The following RALYL variants were observed in gnomAD, a reference collection of about 807,000 sequenced individuals.
RALYL encodes the protein RNA-binding Raly-like protein.
A neutral mutation model predicts 35.1 loss-of-function variants in RALYL; 29 were observed. That is an observed-to-expected ratio of 0.83 (90% confidence interval 0.61 to 1.13). The LOEUF is 1.13. Ranked by LOEUF, RALYL falls within the 50% of genes most tolerant of loss-of-function variation. The pLI is 0.00. For missense variants in RALYL, 359 were observed against 360.4 expected (o/e 1.00, Z 0.03); for synonymous variants, 120 against 127.6 (o/e 0.94, Z 0.40).
intron 1 of RALYL, among the ~76,000 whole-genome samples, chr8:84,379,447 A>C (rs1304098125): frequency 6.6e-6 from 1 of 151,906 alleles, no homozygotes; most frequent in Non-Finnish European, 1.5e-5. Flanking sequence ...AGTACTTTCT[A>C]GCATTCATAT....
intron 1 of RALYL, among the ~76,000 whole-genome samples, chr8:84,497,546 A>G (rs1045415599): frequency 6.6e-6 from 1 of 152,096 alleles, no homozygotes; most frequent in Non-Finnish European, 1.5e-5. Context: ...ATAGTATCAT[A>G]TAAGTTATTA....
chr8:84,862,464 T>A lies in RALYL; in HGVS notation c.571+11T>A. The A allele has an allele frequency of 6.5e-7, 1 of 1,547,368 alleles. No individual in the cohort carries two copies. Among genetic ancestry groups the A allele is most frequent in the South Asian group, 1.2e-5 (1 of 80,340 alleles). ...CAACAGGTTCTAAATGTAAGTAATG[T>A]CCTTCATTTTATTTCTCTTTAAAGA... On this transcript the variant is annotated intron_variant, in intron 6 of 8. Transcript: ENST00000521268.
intron 2 of RALYL, among the ~76,000 whole-genome samples, chr8:84,606,384 C>T (rs1449088909): frequency 6.6e-6 from 1 of 152,032 alleles, no homozygotes. Context: ...GTAAATAATC[C>T]TTAATGTTAG....
intron 1 of RALYL, among the ~76,000 whole-genome samples, chr8:84,440,122 A>G (rs2048176102): frequency 6.6e-6 from 1 of 152,150 alleles, no homozygotes; most frequent in South Asian, 2.1e-4. Context: ...GAAAGAAAAT[A>G]CTTTTCCTAA....
intron 6 of RALYL, among the ~76,000 whole-genome samples, chr8:84,868,632 T>G (rs1839619752): frequency 6.6e-6 from 1 of 152,214 alleles, no homozygotes; most frequent in South Asian, 2.1e-4. Flanking sequence ...AAATGCAAGA[T>G]GAACAGATGC....
At chr8:84,742,155 C>CA (rs1172368717) in intron 2 of RALYL, among the ~76,000 whole-genome samples, 1 of 151,986 alleles carries the variant, frequency 6.6e-6, no homozygotes, top group Non-Finnish European at 1.5e-5. Flanking sequence ...AAACAAGCCT[C>CA]AGACTACAGC....
chr8:84,709,671 C>G (rs1841836513), intron 2 of RALYL, among the ~76,000 whole-genome samples: 1 of 151,786 alleles, frequency 6.6e-6, no homozygotes, highest in Non-Finnish European at 1.5e-5. Flanking sequence ...AAAGTGAGTA[C>G]AAGCAAGACC....
intron 4 of RALYL, among the ~76,000 whole-genome samples, chr8:84,811,867 T>C (rs1253189530): frequency 6.6e-6 from 1 of 152,224 alleles, no homozygotes; most frequent in East Asian, 1.9e-4. Context: ...GAATTTTTTA[T>C]TATTTGTTTC....
At chr8:84,591,436 G>A (rs528757935) in intron 2 of RALYL, among the ~76,000 whole-genome samples, 17 of 152,250 alleles carry the variant, frequency 1.1e-4, no homozygotes, top group African/African-American at 3.9e-4. Flanking sequence ...AGATGCAGAT[G>A]GGCCCAGATA....
intron 1 of RALYL, among the ~76,000 whole-genome samples, chr8:84,296,321 T>C (rs966485807): frequency 6.6e-6 from 1 of 152,150 alleles, no homozygotes; most frequent in Non-Finnish European, 1.5e-5. Flanking sequence ...ATTTTCCTAA[T>C]GAAAGACTTA....
At chr8:84,556,899 A>G (rs528631453) in intron 2 of RALYL, among the ~76,000 whole-genome samples, 208 of 152,328 alleles carry the variant, frequency 1.4e-3, no homozygotes, top group Non-Finnish European at 2.2e-3. Context: ...GAACTGTCAC[A>G]GGGCATATTA....
intron 8 of RALYL, among the ~76,000 whole-genome samples, chr8:84,908,065 T>C (rs1419687298): frequency 5.9e-5 from 9 of 152,292 alleles, no homozygotes; most frequent in African/African-American, 1.9e-4. Context: ...AGTCAATGTT[T>C]ATATTTTATT....
At chr8:84,727,619 TCCCTCCC>T (rs2132752012) in intron 2 of RALYL, among the ~76,000 whole-genome samples, 1 of 70,682 alleles carries the variant, frequency 1.4e-5, no homozygotes, top group African/African-American at 4.6e-5. Flanking sequence ...CTATCCCTCC[TCCCTCCC>T]CCCACCCCAC....
chr8:84,297,282 C>T (rs1839936897), intron 1 of RALYL, among the ~76,000 whole-genome samples: 1 of 151,976 alleles, frequency 6.6e-6, no homozygotes, highest in South Asian at 2.1e-4. Context: ...ATTTGGTTCC[C>T]ACTTATAAGT....
At chr8:84,906,624 G>A (rs576959229) in intron 8 of RALYL, among the ~76,000 whole-genome samples, 41 of 151,674 alleles carry the variant, frequency 2.7e-4, no homozygotes, top group Non-Finnish European at 4.4e-4. Flanking sequence ...ATGGAAAAGA[G>A]ATTTATTGCC....
rs865891201 is a variant in RALYL, at chr8:84,771,166, G to A, written c.257-3413G>A. On this transcript the variant is annotated intron_variant, in intron 2 of 8. Coordinates refer to ENST00000521268, the MANE Select transcript of RALYL (RefSeq NM_173848.7). ...AGGGCATTATTTTTGTTCAGTGTTA[G>A]GTTTCTGAGGTTATCAATATTTCAA... Among the ~76,000 whole-genome samples, 9 of 151,962 alleles carry A rather than the reference G, an allele frequency of 5.9e-5. No individual in the cohort carries two copies. The Middle Eastern group carries it at 0.014, about 230-fold the overall frequency.
intron 2 of RALYL, among the ~76,000 whole-genome samples, chr8:84,638,752 T>A (rs951767678): frequency 2.0e-5 from 3 of 150,808 alleles, no homozygotes; most frequent in African/African-American, 4.9e-5. Flanking sequence ...ATGAGCAGAA[T>A]ACCAGTTATA....
chr8:84,739,426 T>C (rs1374556373), intron 2 of RALYL, among the ~76,000 whole-genome samples: 1 of 151,656 alleles, frequency 6.6e-6, no homozygotes, highest in Non-Finnish European at 1.5e-5. Flanking sequence ...AATGACTAAG[T>C]GTCAAGGAAA....
intron 1 of RALYL, among the ~76,000 whole-genome samples, chr8:84,289,401 T>C (rs1320270186): frequency 6.6e-6 from 1 of 152,196 alleles, no homozygotes; most frequent in African/African-American, 2.4e-5. Context: ...ACGGAGTTTT[T>C]CCAAGCTGAG....
Sources: gnomAD v4.1 joint callset for allele counts (sites outside exome capture counted in the v4.1 genomes callset) on GRCh38, gnomAD v4.1.1 for gene constraint, MANE v1.5 for transcripts, NCBI Gene and HGNC (gene_info 2026-07-23, HGNC 2026-07-21) for gene names.